ACOT12: variants seen among roughly 807,000 people sequenced by gnomAD.
The protein encoded by ACOT12 is acetyl-coenzyme A thioesterase.
In ACOT12, 51 loss-of-function variants were observed where a neutral mutation model predicts 67.7. The observed-to-expected ratio is 0.75, with a 90% CI of 0.60 to 0.95. The LOEUF (loss-of-function observed/expected upper bound fraction) is 0.95. Ranked by LOEUF, ACOT12 falls within the 40% of genes least tolerant of loss-of-function variation. The pLI is 0.00. For missense variants in ACOT12, 734 were observed against 708.1 expected (o/e 1.04, Z -0.41); for synonymous variants, 251 against 244.6 (o/e 1.03, Z -0.24).
chr5:81,359,848 C>T, intron 5 of ACOT12, 55 bp downstream of exon 5: 4 of 1,540,778 alleles, frequency 2.6e-6, no homozygotes, highest in Non-Finnish European at 3.5e-6. Flanking sequence ...TAAGAAAAGA[C>T]TCCTTTGCCT....
At chr5:81,316,088 G>A in the ACOT12 span, among the ~76,000 whole-genome samples, 1 of 152,062 alleles carries the variant, frequency 6.6e-6, no homozygotes, top group African/African-American at 2.4e-5. Context: ...AGGTGGTGGG[G>A]GCAGTATCAC....
intron 2 of ACOT12, among the ~76,000 whole-genome samples, chr5:81,376,596 AC>A (rs1370315374): frequency 6.6e-6 from 1 of 152,110 alleles, no homozygotes; most frequent in Non-Finnish European, 1.5e-5. Context: ...CCCTATCCGG[AC>A]TAATAAAGAA....
At chr5:81,360,293 GATTTTAAA>G (rs1275919651) in intron 4 of ACOT12, among the ~76,000 whole-genome samples, 1 of 152,064 alleles carries the variant, frequency 6.6e-6, no homozygotes, top group African/African-American at 2.4e-5. Flanking sequence ...TATTTTCCCT[GATTTTAAA>G]ATTTTTCAAC....
At chr5:81,367,815 T>A (rs1760128429) in intron 3 of ACOT12, among the ~76,000 whole-genome samples, 1 of 152,106 alleles carries the variant, frequency 6.6e-6, no homozygotes, top group Non-Finnish European at 1.5e-5. Context: ...TATATTCTGT[T>A]TATAAGAAAC....
chr5:81,342,582 A>G (rs1759231853), intron 11 of ACOT12, 90 bp downstream of exon 11: 1 of 1,300,110 alleles, frequency 7.7e-7, no homozygotes, highest in African/African-American at 1.5e-5. Flanking sequence ...TACCTTCTTA[A>G]AAGCCTCAGT....
At chr5:81,391,370 C>T (rs1375006008) in intron 1 of ACOT12, among the ~76,000 whole-genome samples, 1 of 152,198 alleles carries the variant, frequency 6.6e-6, no homozygotes, top group African/African-American at 2.4e-5. Context: ...TTTCAGGCTT[C>T]AAGTCATTTA....
Position 81,332,620 on chromosome 5 carries a change from C to G in ACOT12, c.1263-15G>C. The stretch of plus-strand genomic sequence containing the variant: ...CTTCACAGGACCTGTGTATATAGAA[C>G]AGTGAAAAGCAGGTATACTTTCTAC... On this transcript the variant is annotated splice_polypyrimidine_tract_variant and intron_variant, in intron 12 of 14. Transcript: ENST00000307624. The G allele has an allele frequency of 5.6e-6, 9 of 1,613,432 alleles. No homozygotes were observed. The highest frequency in any genetic ancestry group is 7.6e-6 in the Non-Finnish European group (9 of 1,179,782).
At chr5:81,343,692 T>C (rs1220903699) in intron 10 of ACOT12, 126 bp downstream of exon 10, 15 of 868,286 alleles carry the variant, frequency 1.7e-5, no homozygotes, top group East Asian at 2.6e-5. Context: ...TTGACATGAC[T>C]GGCTGATATA....
chr5:81,356,937 C>T (rs528069968), intron 5 of ACOT12, among the ~76,000 whole-genome samples: 22 of 152,160 alleles, frequency 1.4e-4, no homozygotes, highest in African/African-American at 5.3e-4. Context: ...CCTTCAATGG[C>T]TCCCATCAAG....
intron 2 of ACOT12, among the ~76,000 whole-genome samples, chr5:81,381,616 T>C (rs1760587408): frequency 6.6e-6 from 1 of 151,562 alleles, no homozygotes; most frequent in Non-Finnish European, 1.5e-5. Flanking sequence ...TTCTTTACAT[T>C]AAAAAAAAGA....
At chr5:81,334,590 G>A (rs1758937936) in intron 12 of ACOT12, among the ~76,000 whole-genome samples, 1 of 152,146 alleles carries the variant, frequency 6.6e-6, no homozygotes. Context: ...CACTTTAGTG[G>A]TATTAAATCA....
Position 81,346,891 on chromosome 5 carries a change from C to A in ACOT12, c.653+883G>T, listed in dbSNP as rs567758793. Among the ~76,000 whole-genome samples the A allele has an allele frequency of 5.9e-5, 9 of 152,252 alleles. No homozygotes were observed. In the South Asian group the frequency reaches 1.7e-3, roughly 28 times the overall value. On this transcript the variant is annotated intron_variant, in intron 6 of 14. Transcript: ENST00000307624. ...ATGAAAATTGTCAGAAGGGCAGATC[C>A]TATTCAAATGCATTTACAGGGTACA...
At chr5:81,308,683 G>C in the ACOT12 span, 1 of 1,612,670 alleles carries the variant, frequency 6.2e-7, no homozygotes, top group East Asian at 2.2e-5. Flanking sequence ...AAATAACCAA[G>C]TGTAAGGCTA....
At chr5:81,349,120 A>G (rs1759476198) in intron 5 of ACOT12, among the ~76,000 whole-genome samples, 1 of 152,206 alleles carries the variant, frequency 6.6e-6, no homozygotes, top group South Asian at 2.1e-4. Flanking sequence ...GTGAGAGGGA[A>G]GATATGCCCA....
intron 12 of ACOT12, among the ~76,000 whole-genome samples, chr5:81,333,404 C>T (rs1758894943): frequency 1.3e-5 from 2 of 152,106 alleles, no homozygotes; most frequent in African/African-American, 4.8e-5. Context: ...TTGCGTTAGG[C>T]AAGTCATTTG....
intron 1 of ACOT12, among the ~76,000 whole-genome samples, chr5:81,391,826 T>G (rs963505572): frequency 1.3e-5 from 2 of 152,164 alleles, no homozygotes; most frequent in African/African-American, 4.8e-5. Flanking sequence ...TAGGACTTGC[T>G]CCATGCATAG....
the ACOT12 span, among the ~76,000 whole-genome samples, chr5:81,323,216 A>G: frequency 2.0e-5 from 3 of 152,316 alleles, no homozygotes; most frequent in South Asian, 6.2e-4. Flanking sequence ...GCTAAGTAAC[A>G]ATCACAAAAT....
At chr5:81,365,864 A>G (rs1486656196) in intron 3 of ACOT12, among the ~76,000 whole-genome samples, 1 of 152,142 alleles carries the variant, frequency 6.6e-6, no homozygotes, top group Non-Finnish European at 1.5e-5. Flanking sequence ...GGGTTAGAGT[A>G]CCAGAGAAGG....
chr5:81,332,707 C>A, intron 12 of ACOT12, 102 bp from the exon 13 acceptor site: 1 of 1,395,832 alleles, frequency 7.2e-7, no homozygotes, highest in Non-Finnish European at 9.8e-7. Context: ...TCCATATTTG[C>A]CCCTTCAGCT....
Sources: allele counts gnomAD v4.1 joint callset (sites outside exome capture counted in the v4.1 genomes callset), GRCh38; gene constraint gnomAD v4.1.1; transcripts MANE v1.5; gene names NCBI Gene and HGNC (gene_info 2026-07-23, HGNC 2026-07-21).